The following PANK1 variants were observed in gnomAD, a reference collection of about 807,000 sequenced individuals.
The protein encoded by PANK1 is pantothenic acid kinase 1.
Under a neutral mutation model 40.1 loss-of-function variants are expected in PANK1, and 18 were observed. That is an observed-to-expected ratio of 0.45 (90% CI 0.31 to 0.67). The LOEUF (loss-of-function observed/expected upper bound fraction) is 0.67, where lower values mean the gene tolerates loss of function less well. Among genes scored for constraint, PANK1 ranks in the 30% least tolerant of loss-of-function variants. The probability of loss-of-function intolerance (pLI) is 0.06; values close to 1 mark genes in which losing one functional copy is unlikely to be tolerated. For synonymous variants in PANK1, 242 were observed against 237.7 expected, an observed-to-expected ratio of 1.02 and a Z score of -0.17; for missense variants, 457 against 599.6, an observed-to-expected ratio of 0.76 and a Z score of 2.48.
rs774788589 is a variant in PANK1 at position 89,611,762 on chromosome 10, A to G, written c.579T>C (p.Ser193=). ...FIQMGSEKNF[S]SLHTTLCATG... is the part of the protein sequence containing the mutation. ...TGGCACAGAGGGTGGTGTGAAGGCTAGAGAAGTTCTTCTCGCTGCCCATCT... is the reference window on the plus strand; with the variant it reads ...TGGCACAGAGGGTGGTGTGAAGGCTGGAGAAGTTCTTCTCGCTGCCCATCT... Residue 193 remains serine (S), a synonymous_variant, in exon 2 of 7, where the codon TCT becomes TCC. Coordinates refer to ENST00000307534, the MANE Select transcript of PANK1 (RefSeq NM_148977.3). The G allele has an allele frequency of 3.1e-6, 5 of 1,614,224 alleles. No individual in the cohort carries two copies. The highest frequency in any genetic ancestry group is 4.5e-5 in the East Asian group (2 of 44,886).
intron 1 of PANK1, among the ~76,000 whole-genome samples, chr10:89,631,461 T>C (rs1841638643): frequency 6.6e-6 from 1 of 152,194 alleles, no homozygotes; most frequent in Non-Finnish European, 1.5e-5. Flanking sequence ...ATCCAGCAAC[T>C]CCAGATTTCT....
At chr10:89,620,685 A>G (rs1845455114) in intron 1 of PANK1, among the ~76,000 whole-genome samples, 1 of 152,128 alleles carries the variant, frequency 6.6e-6, no homozygotes, top group Admixed American at 6.5e-5. Context: ...TGCCCTTTCA[A>G]GCATGTGATC....
intron 1 of PANK1, among the ~76,000 whole-genome samples, chr10:89,623,446 G>A (rs549798763): frequency 6.6e-6 from 1 of 151,558 alleles, no homozygotes; most frequent in Admixed American, 6.6e-5. Flanking sequence ...GGATGGTCTC[G>A]ATCTTCTGAC....
intron 1 of PANK1, among the ~76,000 whole-genome samples, chr10:89,618,347 A>G (rs1160704502): frequency 1.3e-5 from 2 of 152,196 alleles, no homozygotes; most frequent in African/African-American, 4.8e-5. Context: ...AAGAGCAGAT[A>G]ACTTGCCACT....
intron 5 of PANK1, among the ~76,000 whole-genome samples, chr10:89,592,539 G>A (rs11185775): frequency 0.019 from 2,849 of 152,266 alleles, 78 homozygotes; most frequent in African/African-American, 0.064. Context: ...CCTATGACCT[G>A]TTCCATGCCT....
intron 1 of PANK1, chr10:89,625,947 G>A (rs1448113130): frequency 6.6e-6 from 1 of 152,152 alleles, no homozygotes; most frequent in African/African-American, 2.4e-5. Flanking sequence ...GTAGCTCAGT[G>A]AGAGTGGTTT....
At chr10:89,585,588 C>T (rs1357522781) in intron 6 of PANK1, among the ~76,000 whole-genome samples, 1 of 152,142 alleles carries the variant, frequency 6.6e-6, no homozygotes, top group Non-Finnish European at 1.5e-5. Context: ...CTCATTTACC[C>T]ATCACAATAA....
chr10:89,580,865 C>T (rs1844039094), downstream of PANK1: 1 of 152,180 alleles, frequency 6.6e-6, no homozygotes, highest in Middle Eastern at 3.2e-3. Flanking sequence ...GTGTTCTCAC[C>T]TCCATTCAAC....
intron 1 of PANK1, among the ~76,000 whole-genome samples, chr10:89,636,924 C>T (rs1028208202): frequency 4.6e-5 from 7 of 151,098 alleles, no homozygotes; most frequent in African/African-American, 7.3e-5. Context: ...TGCAGTGGCG[C>T]GATCTCGACT....
intron 1 of PANK1, among the ~76,000 whole-genome samples, chr10:89,618,864 T>C (rs1393926814): frequency 6.6e-6 from 1 of 152,272 alleles, no homozygotes; most frequent in Non-Finnish European, 1.5e-5. Context: ...GAATGGAGCT[T>C]CCAGCCACCT....
intron 5 of PANK1, chr10:89,592,693 G>A (rs562200176): frequency 5.3e-5 from 28 of 531,826 alleles, no homozygotes; most frequent in African/African-American, 4.6e-4. Context: ...TATGTCACCA[G>A]CTCCACCCCT....
chr10:89,582,732 A>T (rs183073660), downstream of PANK1: 63 of 152,360 alleles, frequency 4.1e-4, no homozygotes, highest in Non-Finnish European at 8.1e-4. Context: ...CTCCTTTGGA[A>T]TTACCAAATA....
intron 3 of PANK1, among the ~76,000 whole-genome samples, chr10:89,598,323 C>T (rs1564621319): frequency 6.6e-6 from 1 of 152,170 alleles, no homozygotes; most frequent in Non-Finnish European, 1.5e-5. Context: ...TCTGTAGAAG[C>T]GATCTAAGAA....
rs554486039 is a variant in PANK1 at position 89,621,255 on chromosome 10, C to T, written c.293-9207G>A. 4.1e-3 allele frequency among the ~76,000 whole-genome samples: 629 copies of T among 151,664 alleles called. 3 individuals are homozygous for T. Among genetic ancestry groups the T allele is most frequent in the Non-Finnish European group, 6.2e-3 (422 of 67,942 alleles). ...GGTGGAGGTTGCAGTGAGCCGAGATCGTGCCATTGCACTCCAGCCTGGGCA... is the reference window on the plus strand; with the variant it reads ...GGTGGAGGTTGCAGTGAGCCGAGATTGTGCCATTGCACTCCAGCCTGGGCA... On this transcript the variant is annotated intron_variant, in intron 1 of 6. Coordinates refer to ENST00000307534, the MANE Select transcript of PANK1 (RefSeq NM_148977.3).
At chr10:89,611,616 T>G in intron 2 of PANK1, 80 bp downstream of exon 2, 3 of 1,011,982 alleles carry the variant, frequency 3.0e-6, no homozygotes, top group Non-Finnish European at 2.9e-6. Context: ...AGGCTAGTAG[T>G]ATGGTTCTTC....
chr10:89,580,234 C>T (rs1399031863), downstream of PANK1: 3 of 151,002 alleles, frequency 2.0e-5, no homozygotes, highest in East Asian at 5.8e-4. Flanking sequence ...AGGTCTGGCA[C>T]AATAGGGAAA....
intron 6 of PANK1, among the ~76,000 whole-genome samples, chr10:89,588,285 C>G (rs376792935): frequency 1.3e-5 from 2 of 152,058 alleles, no homozygotes; most frequent in Non-Finnish European, 2.9e-5. Flanking sequence ...CATGGGAGTG[C>G]AGGCATCTCT....
chr10:89,631,976 G>GTGTTT (rs199540491), intron 1 of PANK1, among the ~76,000 whole-genome samples: 7 of 143,340 alleles, frequency 4.9e-5, no homozygotes, highest in South Asian at 2.2e-4. Flanking sequence ...GTGTGTGTGT[G>GTGTTT]TTTTTTTTTT....
chr10:89,595,094 TC>T (rs1844521264), intron 3 of PANK1, among the ~76,000 whole-genome samples: 1 of 152,210 alleles, frequency 6.6e-6, no homozygotes, highest in Admixed American at 6.5e-5. Context: ...TTTAATAATG[TC>T]AATAACTGTT....
Sources: gnomAD v4.1 joint callset for allele counts (sites outside exome capture counted in the v4.1 genomes callset) on GRCh38, gnomAD v4.1.1 for gene constraint, MANE v1.5 for transcripts, NCBI Gene and HGNC (gene_info 2026-07-23, HGNC 2026-07-21) for gene names.